Variants in MEIOB observed in about 807,000 individuals in gnomAD.
The protein encoded by MEIOB is meiosis specific with OB-fold, also known as meiosis-specific with OB domain-containing protein.
Under a neutral mutation model 53.1 loss-of-function variants are expected in MEIOB, and 50 were observed. The ratio of observed to expected loss-of-function variants is 0.94; its 90% confidence interval spans 0.75 to 1.19. The LOEUF (loss-of-function observed/expected upper bound fraction) is 1.19, where lower values mean the gene tolerates loss of function less well. MEIOB is among the 50% of genes most tolerant of loss of function. MEIOB has a pLI of 0.00. For missense variants in MEIOB, 551 were observed against 550.8 expected (o/e 1.00, Z 0.00); for synonymous variants, 192 against 182.5 (o/e 1.05, Z -0.42).
Position 1,862,038 on chromosome 16 carries a change from C to T in MEIOB, c.206G>A (p.Gly69Asp). ...PAHFVNAASW[G>D]NEDYIKSLSD... ...AAGAGACTTGATGTAATCTTCATTG[C>T]CCCAGGAAGCTGCATTTACAAAATG... Residue 69 changes from glycine (G) to aspartate (D), a missense_variant, in exon 4 of 14, where the codon GGC (glycine) becomes GAC (aspartate). Gly to Asp is a moderately conservative substitution (Grantham distance 94, BLOSUM62 -1). Transcript: ENST00000325962. The T allele has an allele frequency of 1.9e-6, 3 of 1,551,306 alleles. No homozygotes were observed. The highest frequency in any genetic ancestry group is 1.4e-5 in the African/African-American group (1 of 73,142).
Position 1,841,809 on chromosome 16 carries a change from C to T in MEIOB, c.1034+11G>A, listed in dbSNP as rs774340382. 7.2e-6 allele frequency: 11 copies of T among 1,519,776 alleles called. No homozygotes were observed. Among genetic ancestry groups the T allele is most frequent in the East Asian group, 4.7e-5 (2 of 42,710 alleles). 94.1% of individuals were successfully genotyped at this position (1,519,776 alleles called of 1,614,324 possible). A position where few individuals can be genotyped will look rare whatever the true frequency, so the allele number is the denominator to read the frequency against. On this transcript the variant is annotated intron_variant, in intron 11 of 13. Transcript: ENST00000325962. ...AAAAATGAATTTGCTAAAAGTGACA[C>T]GGATCCTTACCATCTATTTCGAACT...
At chr16:1,842,631 C>T (rs1360666225) in intron 10 of MEIOB, among the ~76,000 whole-genome samples, 1 of 93,056 alleles carries the variant, frequency 1.1e-5, no homozygotes, top group Non-Finnish European at 2.2e-5. Flanking sequence ...CTCAAAAAGA[C>T]AGTGACTCGA....
At chr16:1,839,683 G>T in intron 11 of MEIOB, 1 of 425,228 alleles carries the variant, frequency 2.4e-6, no homozygotes, top group South Asian at 3.3e-5. Context: ...CCCTCCCTCT[G>T]CCAAGCCCTC....
chr16:1,864,879 T>C (rs111638933), intron 3 of MEIOB, among the ~76,000 whole-genome samples: 6 of 152,302 alleles, frequency 3.9e-5, no homozygotes, highest in African/African-American at 1.4e-4. Context: ...CTTCTGAAAT[T>C]TGGTAAAAGG....
chr16:1,869,807 T>A (rs1419006212), intron 1 of MEIOB, among the ~76,000 whole-genome samples: 1 of 151,410 alleles, frequency 6.6e-6, no homozygotes, highest in Non-Finnish European at 1.5e-5. Context: ...CCTCAAAAAA[T>A]ACAGCAAAAA....
intron 3 of MEIOB, among the ~76,000 whole-genome samples, chr16:1,864,334 T>C (rs534326924): frequency 6.6e-6 from 1 of 152,228 alleles, no homozygotes; most frequent in South Asian, 2.1e-4. Context: ...ACAAATATAA[T>C]GTTATATGTA....
At chr16:1,865,488 CACACATACACACACAT>C (rs980375236) in intron 3 of MEIOB, among the ~76,000 whole-genome samples, 6 of 5,610 alleles carry the variant, frequency 1.1e-3, no homozygotes, top group South Asian at 4.7e-3. Flanking sequence ...CACACGTGTA[CACACATACACACACAT>C]ACACATGCAC....
At chr16:1,868,857 AGAAT>A (rs1471185564) in intron 1 of MEIOB, among the ~76,000 whole-genome samples, 22 of 152,156 alleles carry the variant, frequency 1.4e-4, no homozygotes, top group South Asian at 6.2e-4. Context: ...TCCATCTCAA[AGAAT>A]AAATAAATAA....
intron 1 of MEIOB, among the ~76,000 whole-genome samples, chr16:1,871,386 A>AT (rs2150827878): frequency 1.0e-5 from 1 of 97,818 alleles, no homozygotes; most frequent in African/African-American, 3.9e-5. Context: ...CGCCTGGCTA[A>AT]TTTTTTGTAT....
chr16:1,841,217 T>C (rs56103500), intron 11 of MEIOB: 26,992 of 151,558 alleles, frequency 0.18, 2,552 homozygotes, highest in South Asian at 0.27. Context: ...GGTGTTTCGC[T>C]ATATTGGCCA....
At chr16:1,836,528 G>A (rs1300277426) in intron 13 of MEIOB, among the ~76,000 whole-genome samples, 2 of 147,210 alleles carry the variant, frequency 1.4e-5, no homozygotes, top group East Asian at 3.9e-4. Context: ...AACTGTTGAA[G>A]AGATGCAGCA....
chr16:1,871,593 T>A (rs1899752904), intron 1 of MEIOB, among the ~76,000 whole-genome samples: 1 of 135,886 alleles, frequency 7.4e-6, no homozygotes, highest in South Asian at 2.5e-4. Flanking sequence ...GGTGCGATCT[T>A]GGTTCACTGC....
At chr16:1,865,982 T>G in intron 2 of MEIOB, 147 bp from the exon 3 acceptor site, 1 of 597,402 alleles carries the variant, frequency 1.7e-6, no homozygotes, top group Non-Finnish European at 2.9e-6. Context: ...GGCAAACATC[T>G]AAAAGAAGTT....
In MEIOB at chr16:1,872,068, C is replaced by T. The variant is rs924541163; in HGVS notation, c.-85G>A. 4 of 151,426 alleles carry T rather than the reference C, an allele frequency of 2.6e-5. No homozygotes were observed. The highest frequency in any genetic ancestry group is 5.9e-5 in the Non-Finnish European group (4 of 67,900). The allele number at this position is 151,426 out of a possible 1,614,324, so 9.4% of individuals were successfully genotyped here. ...GGCCTCGCGGACCTGGCCCGCCCGA[C>T]CCCCGGGTCGCCCGCGCTTCGCGGC... On this transcript the variant is annotated 5_prime_UTR_variant, in exon 1 of 14. Transcript: ENST00000325962.
At chr16:1,871,454 C>T (rs9935693) in intron 1 of MEIOB, among the ~76,000 whole-genome samples, 82,119 of 104,318 alleles carry the variant, frequency 0.79, 33,212 homozygotes, top group Middle Eastern at 0.85. Flanking sequence ...CTCCTGACCT[C>T]GTGATCCACC....
intron 1 of MEIOB, among the ~76,000 whole-genome samples, chr16:1,869,348 C>T (rs1316251613): frequency 2.6e-5 from 4 of 151,982 alleles, no homozygotes; most frequent in Non-Finnish European, 5.9e-5. Flanking sequence ...TGGTCTTGAA[C>T]TCCTGATCTC....
intron 3 of MEIOB, among the ~76,000 whole-genome samples, chr16:1,864,647 CCTGA>C (rs1899539359): frequency 6.6e-6 from 1 of 151,840 alleles, no homozygotes; most frequent in South Asian, 2.1e-4. Context: ...TGCCACCATG[CCTGA>C]CTAATTTTGT....
At chr16:1,846,401 C>A (rs1037672133) in intron 9 of MEIOB, among the ~76,000 whole-genome samples, 7 of 152,020 alleles carry the variant, frequency 4.6e-5, no homozygotes, top group Admixed American at 3.3e-4. Context: ...ACTCTCAGGG[C>A]AGAGAAAGAA....
chr16:1,867,462 ATTTTTTTTTTTTTT>A lies in MEIOB; in HGVS notation c.69+631_69+644del, dbSNP rs869208139. On this transcript the variant is annotated intron_variant, in intron 2 of 13. Transcript: ENST00000325962. ...TGCTACTGCTGAACAAAATGGTTTA[ATTTTTTTTTTTTTT>A]TTTTTTTTTTTTTTTTTCAGAAGAG... Among the ~76,000 whole-genome samples the A allele has an allele frequency of 3.5e-3, 363 of 102,950 alleles. 4 individuals are homozygous for A. Among genetic ancestry groups the A allele is most frequent in the African/African-American group, 9.9e-3 (254 of 25,684 alleles). The allele number at this position is 102,950 out of a possible 152,430, so 67.5% of individuals were successfully genotyped here.
Sources: gnomAD v4.1 joint callset for allele counts (sites outside exome capture counted in the v4.1 genomes callset) on GRCh38, gnomAD v4.1.1 for gene constraint, MANE v1.5 for transcripts, NCBI Gene and HGNC (gene_info 2026-07-23, HGNC 2026-07-21) for gene names.